The following SPATA13 variants were observed in gnomAD, a reference collection of about 807,000 sequenced individuals.
The protein encoded by SPATA13 is spermatogenesis-associated protein 13.
In SPATA13, 50 loss-of-function variants were observed where a neutral mutation model predicts 104.0. The observed-to-expected ratio is 0.48, with a 90% confidence interval of 0.38 to 0.61. The LOEUF is 0.61. SPATA13 is among the 20% of genes least tolerant of loss of function. The pLI is 0.00. For synonymous variants in SPATA13, 606 were observed against 667.5 expected (o/e 0.91, Z 1.42); for missense variants, 1,524 against 1,690.6 (o/e 0.90, Z 1.73).
chr13:24,098,936 A>G (rs192544402), intron 3 of SPATA13, among the ~76,000 whole-genome samples: 73 of 150,948 alleles, frequency 4.8e-4, no homozygotes, highest in African/African-American at 1.7e-3. Context: ...AAAAAAAAAA[A>G]AAAAAAGAAA....
intron 3 of SPATA13, among the ~76,000 whole-genome samples, chr13:24,135,468 C>A (rs9580883): frequency 2.0e-5 from 3 of 151,970 alleles, no homozygotes; most frequent in Non-Finnish European, 2.9e-5. Context: ...GAGACTGAGG[C>A]GGGCAGATCA....
chr13:23,988,568 G>A (rs1875262745), intron 2 of SPATA13, among the ~76,000 whole-genome samples: 1 of 152,264 alleles, frequency 6.6e-6, no homozygotes, highest in African/African-American at 2.4e-5. Context: ...ATTAAATTTT[G>A]GATGCTGATG....
intron 3 of SPATA13, among the ~76,000 whole-genome samples, chr13:24,030,243 G>T (rs1387414320): frequency 6.6e-6 from 1 of 152,146 alleles, no homozygotes; most frequent in Admixed American, 6.5e-5. Context: ...ACATTCACTG[G>T]TGTTAGACAT....
chr13:24,046,819 T>C (rs945730825), intron 3 of SPATA13, among the ~76,000 whole-genome samples: 2 of 152,184 alleles, frequency 1.3e-5, no homozygotes, highest in African/African-American at 4.8e-5. Flanking sequence ...TTTGAAGGTA[T>C]GCATATTGAT....
chr13:24,165,921 C>T (rs746132071), intron 1 of SPATA13, among the ~76,000 whole-genome samples: 61 of 152,296 alleles, frequency 4.0e-4, no homozygotes, highest in Admixed American at 5.2e-4. Context: ...TGCACATGTA[C>T]TTTTAAACAC....
At chr13:24,002,092 C>G (rs1876002999) in intron 2 of SPATA13, among the ~76,000 whole-genome samples, 1 of 151,972 alleles carries the variant, frequency 6.6e-6, no homozygotes, top group Non-Finnish European at 1.5e-5. Flanking sequence ...TGTGCAGTGG[C>G]AGAGGTGGGG....
rs116377365 is a variant in SPATA13 at position 24,001,220 on chromosome 13, A to G, written c.-146-16447A>G. On this transcript the variant is annotated intron_variant, in intron 2 of 14. Coordinates refer to the SPATA13 transcript ENST00000424834. The stretch of plus-strand genomic sequence containing the variant: ...TAGAGCAGAAGTAGTCACATATACA[A>G]GAACACGGGGGAAAGTAACAGTGTT... Among the ~76,000 whole-genome samples, 1,025 of 152,308 alleles carry G rather than the reference A, an allele frequency of 6.7e-3. 17 individuals are homozygous for G. Among genetic ancestry groups the G allele is most frequent in the African/African-American group, 0.023 (944 of 41,564 alleles).
intron 9 of SPATA13, among the ~76,000 whole-genome samples, chr13:24,294,457 C>A (rs1876613465): frequency 6.6e-6 from 1 of 152,202 alleles, no homozygotes; most frequent in African/African-American, 2.4e-5. Flanking sequence ...CTAAAACTTA[C>A]TTATTTGTGG....
At chr13:24,024,959 T>A (rs201070114) in intron 3 of SPATA13, among the ~76,000 whole-genome samples, 1 of 107,548 alleles carries the variant, frequency 9.3e-6, no homozygotes, top group Non-Finnish European at 2.0e-5. Context: ...TATATATAAA[T>A]ATATATATAA....
At chr13:24,200,147 A>G (rs190944012) in intron 1 of SPATA13, among the ~76,000 whole-genome samples, 56 of 152,290 alleles carry the variant, frequency 3.7e-4, no homozygotes, top group African/African-American at 1.3e-3. Flanking sequence ...TAACCCAACT[A>G]CAGTTTGATG....
intron 4 of SPATA13, among the ~76,000 whole-genome samples, chr13:24,264,241 C>T (rs1874190962): frequency 6.6e-6 from 1 of 152,000 alleles, no homozygotes; most frequent in African/African-American, 2.4e-5. Flanking sequence ...TTGAAAATAT[C>T]GTCTGTCTTA....
chr13:23,982,020 G>A (rs1874927566), intron 1 of SPATA13, among the ~76,000 whole-genome samples: 1 of 152,228 alleles, frequency 6.6e-6, no homozygotes, highest in Non-Finnish European at 1.5e-5. Context: ...GGAAGTAAAT[G>A]AGAAAATTTA....
At chr13:24,290,937 A>C (rs950992528) in intron 9 of SPATA13, 53 bp downstream of exon 9, 2 of 1,441,770 alleles carry the variant, frequency 1.4e-6, no homozygotes, top group African/African-American at 2.8e-5. Flanking sequence ...CATTACCCGT[A>C]GGCAGCTCTT....
intron 1 of SPATA13, among the ~76,000 whole-genome samples, chr13:24,198,942 C>A (rs898974022): frequency 7.3e-6 from 1 of 136,400 alleles, no homozygotes; most frequent in Non-Finnish European, 1.5e-5. Context: ...ATTCTTAGAA[C>A]TATAAAATCT....
At chr13:24,067,580 G>A (rs1411988664) in intron 3 of SPATA13, among the ~76,000 whole-genome samples, 1 of 152,158 alleles carries the variant, frequency 6.6e-6, no homozygotes, top group Non-Finnish European at 1.5e-5. Flanking sequence ...CCATTGAGAT[G>A]GAAAATTGAA....
intron 3 of SPATA13, among the ~76,000 whole-genome samples, chr13:24,023,718 T>A (rs1399437904): frequency 6.6e-6 from 1 of 152,152 alleles, no homozygotes; most frequent in Non-Finnish European, 1.5e-5. Context: ...CATTGCTGGC[T>A]TTGAAGGTGG....
intron 3 of SPATA13, among the ~76,000 whole-genome samples, chr13:24,112,506 T>A (rs1232684532): frequency 6.6e-6 from 1 of 152,124 alleles, no homozygotes; most frequent in African/African-American, 2.4e-5. Flanking sequence ...GCCACGGAAG[T>A]AGCAAGGATG....
chr13:24,120,426 T>C (rs1157462402), intron 3 of SPATA13, among the ~76,000 whole-genome samples: 2 of 152,216 alleles, frequency 1.3e-5, no homozygotes, highest in African/African-American at 2.4e-5. Flanking sequence ...TGTGTCCCTA[T>C]CAGGCGCAGC....
intron 4 of SPATA13, among the ~76,000 whole-genome samples, chr13:24,267,826 T>C (rs924335016): frequency 6.6e-6 from 1 of 152,272 alleles, no homozygotes; most frequent in South Asian, 2.1e-4. Context: ...GATACTGATA[T>C]TGAAGATTTT....
Sources: gnomAD v4.1 joint callset for allele counts (sites outside exome capture counted in the v4.1 genomes callset) on GRCh38, gnomAD v4.1.1 for gene constraint, MANE v1.5 for transcripts, NCBI Gene and HGNC (gene_info 2026-07-23, HGNC 2026-07-21) for gene names.